PPP2R2A: variants seen among roughly 807,000 people sequenced by gnomAD.
The protein encoded by PPP2R2A is serine/threonine-protein phosphatase 2A 55 kDa regulatory subunit B alpha isoform.
Under a neutral mutation model 53.2 loss-of-function variants are expected in PPP2R2A, and 9 were observed. The ratio of observed to expected loss-of-function variants is 0.17; its 90% CI spans 0.10 to 0.30. PPP2R2A has a LOEUF of 0.30. PPP2R2A is among the 10% of genes least tolerant of loss of function. PPP2R2A has a pLI of 1.00. For missense variants in PPP2R2A, 235 were observed against 534.6 expected (o/e 0.44, Z 5.53); for synonymous variants, 169 against 174.2 (o/e 0.97, Z 0.23).
chr8:26,323,025 G>A (rs75667440), intron 2 of PPP2R2A, among the ~76,000 whole-genome samples: 6,001 of 152,228 alleles, frequency 0.039, 101 homozygotes, highest in Middle Eastern at 0.071. Flanking sequence ...TCTTTGCCTA[G>A]CTTCCAGAAA....
intron 1 of PPP2R2A, chr8:26,292,394 C>T: frequency 1.0e-6 from 1 of 985,682 alleles, no homozygotes; most frequent in South Asian, 4.7e-5. Context: ...CGAACCATTT[C>T]GTTTCCGTTT....
chr8:26,350,109 A>G (rs1287513850), intron 3 of PPP2R2A, among the ~76,000 whole-genome samples: 1 of 152,042 alleles, frequency 6.6e-6, no homozygotes, highest in Non-Finnish European at 1.5e-5. Flanking sequence ...TTTGTCACCC[A>G]GGCTGGAATG....
chr8:26,293,494 A>G, intron 1 of PPP2R2A, 172 bp from the exon 2 acceptor site: 2 of 697,316 alleles, frequency 2.9e-6, no homozygotes, highest in Non-Finnish European at 4.7e-6. Context: ...TTTCTAATGC[A>G]GTACCAAGTA....
At chr8:26,315,270 G>C (rs1477985792) in intron 2 of PPP2R2A, among the ~76,000 whole-genome samples, 1 of 152,060 alleles carries the variant, frequency 6.6e-6, no homozygotes, top group African/African-American at 2.4e-5. Flanking sequence ...TATTCGGCTG[G>C]TGGGCTTCAC....
intron 4 of PPP2R2A, among the ~76,000 whole-genome samples, chr8:26,358,332 C>G (rs1485621431): frequency 6.6e-6 from 1 of 152,076 alleles, no homozygotes; most frequent in Non-Finnish European, 1.5e-5. Context: ...AAATACTTTG[C>G]AAGTATTTAG....
At chr8:26,346,922 C>T (rs1217386149) in intron 3 of PPP2R2A, among the ~76,000 whole-genome samples, 5 of 152,186 alleles carry the variant, frequency 3.3e-5, no homozygotes, top group Non-Finnish European at 1.5e-5. Context: ...AGTCTGAAAT[C>T]AGGCGCCTCA....
chr8:26,333,302 A>T (rs530611842), intron 2 of PPP2R2A, among the ~76,000 whole-genome samples: 15 of 152,164 alleles, frequency 9.9e-5, no homozygotes, highest in African/African-American at 3.4e-4. Context: ...TAGTTTTCCA[A>T]CCTGTGACTA....
intron 3 of PPP2R2A, among the ~76,000 whole-genome samples, chr8:26,343,276 A>G (rs935443854): frequency 2.6e-5 from 4 of 152,200 alleles, no homozygotes; most frequent in African/African-American, 9.7e-5. Flanking sequence ...CATAGAATGT[A>G]AGAGCTAACA....
intron 2 of PPP2R2A, among the ~76,000 whole-genome samples, chr8:26,307,460 T>C (rs1802074148): frequency 6.6e-6 from 1 of 152,212 alleles, no homozygotes; most frequent in African/African-American, 2.4e-5. Context: ...ATGTGTGTTC[T>C]TAAGTGTTCA....
intron 2 of PPP2R2A, among the ~76,000 whole-genome samples, chr8:26,315,253 G>A (rs2117247618): frequency 6.6e-6 from 1 of 152,170 alleles, no homozygotes; most frequent in African/African-American, 2.4e-5. Context: ...GTGTCCACTG[G>A]CAGAGATATT....
chr8:26,299,283 T>C (rs557556703), intron 2 of PPP2R2A, among the ~76,000 whole-genome samples: 32 of 151,880 alleles, frequency 2.1e-4, no homozygotes, highest in Non-Finnish European at 4.6e-4. Flanking sequence ...AGGAACAACT[T>C]AACCATTCAA....
intron 2 of PPP2R2A, among the ~76,000 whole-genome samples, chr8:26,336,665 C>T (rs1309816404): frequency 2.0e-5 from 3 of 152,006 alleles, no homozygotes; most frequent in Non-Finnish European, 4.4e-5. Context: ...TCACTGAAGA[C>T]CACAAGCTCG....
chr8:26,292,764 A>G, intron 1 of PPP2R2A, among the ~76,000 whole-genome samples: 1 of 152,194 alleles, frequency 6.6e-6, no homozygotes, highest in Non-Finnish European at 1.5e-5. Context: ...AATCAGTTGC[A>G]GATTTAGATT....
intron 2 of PPP2R2A, among the ~76,000 whole-genome samples, chr8:26,299,664 CAT>C (rs1801694677): frequency 6.6e-6 from 1 of 151,700 alleles, no homozygotes; most frequent in South Asian, 2.1e-4. Context: ...TAGTCCATTC[CAT>C]ATGTTTAATG....
intron 2 of PPP2R2A, among the ~76,000 whole-genome samples, chr8:26,326,951 G>A (rs1298905787): frequency 6.6e-6 from 1 of 152,208 alleles, no homozygotes; most frequent in Non-Finnish European, 1.5e-5. Flanking sequence ...GTTCTTGGTT[G>A]CAGTAGGATA....
chr8:26,334,296 A>C lies in PPP2R2A; in HGVS notation c.83-4594A>C, dbSNP rs561035659. Among the ~76,000 whole-genome samples the C allele has an allele frequency of 4.6e-5, 7 of 152,314 alleles. No homozygotes were observed. In the East Asian group the frequency reaches 1.3e-3, roughly 29 times the overall value. On this transcript the variant is annotated intron_variant, in intron 2 of 9. Transcript: ENST00000380737. ...ATTTTGGTGGTGGTGGTTTGTGAGA[A>C]TATAACTCAACTGATATACTATACT...
In PPP2R2A at chr8:26,366,999, G is replaced by C. The variant is rs1313304021; in HGVS notation, c.1064+593G>C. On this transcript the variant is annotated intron_variant, in intron 9 of 9. Coordinates refer to ENST00000380737, the MANE Select transcript of PPP2R2A (RefSeq NM_002717.4). ...AAGTCTTACTTTGAGTCTTTTAGTT[G>C]TCTATTTGCCACTATGTTCCAGTAG... 2.0e-5 allele frequency among the ~76,000 whole-genome samples: 3 copies of C among 151,872 alleles called. No individual in the cohort carries two copies. In the East Asian group the frequency reaches 5.8e-4, roughly 29 times the overall value.
chr8:26,364,005 CT>C, intron 8 of PPP2R2A, 115 bp downstream of exon 8: 2 of 920,112 alleles, frequency 2.2e-6, no homozygotes, highest in Admixed American at 3.0e-5. Context: ...ACCATTAGGC[CT>C]TTTCCCTCAG....
At chr8:26,324,853 G>C (rs1372511365) in intron 2 of PPP2R2A, among the ~76,000 whole-genome samples, 1 of 152,122 alleles carries the variant, frequency 6.6e-6, no homozygotes, top group Non-Finnish European at 1.5e-5. Flanking sequence ...CTGGATGTGA[G>C]ACCTGGAGCC....
Sources: allele counts gnomAD v4.1 joint callset (sites outside exome capture counted in the v4.1 genomes callset), GRCh38; gene constraint gnomAD v4.1.1; transcripts MANE v1.5; gene names NCBI Gene and HGNC (gene_info 2026-07-23, HGNC 2026-07-21).